Variants in STK33 observed in about 807,000 individuals in gnomAD.
The protein encoded by STK33 is serine/threonine-protein kinase 33.
Under a neutral mutation model 58.0 loss-of-function variants are expected in STK33, and 52 were observed. The observed-to-expected ratio is 0.90, with a 90% confidence interval of 0.72 to 1.13. The LOEUF (loss-of-function observed/expected upper bound fraction) is 1.13. Ranked by LOEUF, STK33 falls within the 50% of genes most tolerant of loss-of-function variation. The pLI, the probability that STK33 is intolerant of heterozygous loss-of-function variation, is 0.00. For synonymous variants in STK33, 215 were observed against 200.1 expected, an observed-to-expected ratio of 1.07 and a Z score of -0.63; for missense variants, 630 against 604.2, an observed-to-expected ratio of 1.04 and a Z score of -0.45.
At chr11:8,421,392 T>A (rs1272355175) in intron 14 of STK33, among the ~76,000 whole-genome samples, 1 of 152,160 alleles carries the variant, frequency 6.6e-6, no homozygotes, top group Non-Finnish European at 1.5e-5. Context: ...TATTGAATAG[T>A]CCCTCCTTTC....
chr11:8,504,754 C>T (rs1379902577), intron 1 of STK33, among the ~76,000 whole-genome samples: 2 of 152,014 alleles, frequency 1.3e-5, no homozygotes, highest in Non-Finnish European at 2.9e-5. Flanking sequence ...GCTACGATCA[C>T]GCCACTGTAT....
intron 9 of STK33, among the ~76,000 whole-genome samples, chr11:8,455,442 C>T (rs1565044585): frequency 1.3e-5 from 2 of 152,168 alleles, no homozygotes; most frequent in Non-Finnish European, 2.9e-5. Context: ...ATACAAATAA[C>T]CATGTACCAA....
At chr11:8,546,273 C>A (rs1033120477) in intron 1 of STK33, among the ~76,000 whole-genome samples, 1 of 152,060 alleles carries the variant, frequency 6.6e-6, no homozygotes, top group African/African-American at 2.4e-5. Context: ...AAAACTTTTT[C>A]TTTCTTCAAT....
intron 14 of STK33, among the ~76,000 whole-genome samples, chr11:8,422,324 T>C (rs542994982): frequency 9.8e-5 from 15 of 152,296 alleles, no homozygotes; most frequent in African/African-American, 3.6e-4. Context: ...GGCCAAGATA[T>C]ATTATCTGTT....
chr11:8,435,996 C>A, intron 13 of STK33, 31 bp downstream of exon 13: 1 of 1,303,916 alleles, frequency 7.7e-7, no homozygotes, highest in Admixed American at 2.4e-5. Context: ...CTTATATTAG[C>A]TTTAGTAAAT....
intron 14 of STK33, among the ~76,000 whole-genome samples, chr11:8,423,187 G>GC (rs1554915573): frequency 6.8e-6 from 1 of 147,188 alleles, no homozygotes; most frequent in African/African-American, 2.5e-5. Flanking sequence ...TATTTATTTT[G>GC]TTTTTTTTTC....
chr11:8,526,959 C>A (rs1591635461), intron 1 of STK33, among the ~76,000 whole-genome samples: 1 of 141,580 alleles, frequency 7.1e-6, no homozygotes, highest in Non-Finnish European at 1.5e-5. Context: ...AAAGTAAAGA[C>A]AGAGATTTCC....
At chr11:8,409,209 T>C (rs1415690301) in intron 15 of STK33, among the ~76,000 whole-genome samples, 1 of 152,196 alleles carries the variant, frequency 6.6e-6, no homozygotes, top group African/African-American at 2.4e-5. Flanking sequence ...AGTATTTATT[T>C]TTCTCAATTA....
chr11:8,442,458 G>A (rs1005121558), intron 11 of STK33, among the ~76,000 whole-genome samples: 11 of 152,132 alleles, frequency 7.2e-5, no homozygotes, highest in South Asian at 2.1e-4. Context: ...GGGGCATTTC[G>A]ATTTGCACTG....
At chr11:8,514,231 T>C (rs1952579634) in intron 1 of STK33, among the ~76,000 whole-genome samples, 1 of 152,236 alleles carries the variant, frequency 6.6e-6, no homozygotes, top group East Asian at 1.9e-4. Context: ...GACAGACACT[T>C]AGGTTGCTTC....
chr11:8,456,631 C>A (rs1946891735), intron 9 of STK33, among the ~76,000 whole-genome samples: 1 of 151,854 alleles, frequency 6.6e-6, no homozygotes, highest in South Asian at 2.1e-4. Context: ...TCTAAAGTCA[C>A]ATGTAAGCCA....
intron 1 of STK33, among the ~76,000 whole-genome samples, chr11:8,497,496 G>T (rs1007647917): frequency 4.6e-5 from 7 of 152,154 alleles, no homozygotes; most frequent in Non-Finnish European, 5.9e-5. Flanking sequence ...TTGAGACAGG[G>T]TCTCACTATG....
chr11:8,455,785 T>A (rs1459090964), intron 9 of STK33, among the ~76,000 whole-genome samples: 1 of 116,784 alleles, frequency 8.6e-6, no homozygotes. Flanking sequence ...CACTCCAGCC[T>A]GGGTAACAGA....
intron 1 of STK33, among the ~76,000 whole-genome samples, chr11:8,503,702 C>T (rs1383579523): frequency 6.6e-6 from 1 of 152,190 alleles, no homozygotes; most frequent in African/African-American, 2.4e-5. Flanking sequence ...GCATTTTAGT[C>T]AGTTCGACTT....
chr11:8,441,739 G>GA (rs1339477901), intron 11 of STK33, among the ~76,000 whole-genome samples: 6 of 151,438 alleles, frequency 4.0e-5, no homozygotes, highest in Admixed American at 1.3e-4. Flanking sequence ...ATATATTTAA[G>GA]AAAAAATAAA....
At chr11:8,509,916 T>C (rs1256490465) in intron 1 of STK33, among the ~76,000 whole-genome samples, 2 of 152,192 alleles carry the variant, frequency 1.3e-5, no homozygotes, top group Non-Finnish European at 2.9e-5. Flanking sequence ...CTGATGGGCA[T>C]TTAGGTTGGT....
At chr11:8,373,290 A>T in the STK33 span, among the ~76,000 whole-genome samples, 6 of 152,190 alleles carry the variant, frequency 3.9e-5, no homozygotes, top group Admixed American at 2.6e-4. Context: ...CCCAGACTCA[A>T]GGGGTTGGGG....
chr11:8,500,047 T>C (rs1336824063), intron 1 of STK33, among the ~76,000 whole-genome samples: 1 of 152,152 alleles, frequency 6.6e-6, no homozygotes, highest in Non-Finnish European at 1.5e-5. Flanking sequence ...TCTGCACATG[T>C]ACCCCAGAAC....
At chr11:8,357,936 CAGCTT>C in the STK33 span, among the ~76,000 whole-genome samples, 1 of 152,232 alleles carries the variant, frequency 6.6e-6, no homozygotes, top group Non-Finnish European at 1.5e-5. Flanking sequence ...GTACTCAGCT[CAGCTT>C]GGCCACTATC....
Sources: allele counts gnomAD v4.1 joint callset (sites outside exome capture counted in the v4.1 genomes callset), GRCh38; gene constraint gnomAD v4.1.1; transcripts MANE v1.5; gene names NCBI Gene and HGNC (gene_info 2026-07-23, HGNC 2026-07-21).